The following NTN5 variants were observed in gnomAD, a reference collection of about 807,000 sequenced individuals.
NTN5 encodes the protein netrin 5.
NTN5 carries 42 observed loss-of-function variants against 38.7 expected under a neutral mutation model. The ratio of observed to expected loss-of-function variants is 1.08; its 90% CI spans 0.85 to 1.40. NTN5 has a LOEUF of 1.40. Ranked by LOEUF, NTN5 falls within the 40% of genes most tolerant of loss-of-function variation. The pLI is 0.00. For synonymous variants in NTN5, 329 were observed against 303.9 expected (o/e 1.08, Z -0.86); for missense variants, 658 against 716.5 (o/e 0.92, Z 0.93).
chr19:48,669,831 TCAC>T (rs2122137344), intron 2 of NTN5, among the ~76,000 whole-genome samples: 1 of 46,568 alleles, frequency 2.1e-5, no homozygotes, highest in Non-Finnish European at 4.7e-5. Context: ...ACCACCACCA[TCAC>T]CATCACCACC....
Position 48,672,980 on chromosome 19 carries a change from C to T in NTN5, c.-69G>A, listed in dbSNP as rs1361053001. ...TGCAGCCAGTTCCCCGCAGGCTCTT[C>T]CTCCAAGCTGTGGCGCGGTGGGCTC... On this transcript the variant is annotated 5_prime_UTR_variant, in exon 1 of 7. Transcript: ENST00000270235. The T allele has an allele frequency of 3.2e-6, 1 of 310,480 alleles. No individual in the cohort carries two copies. The highest frequency in any genetic ancestry group is 2.2e-5 in the African/African-American group (1 of 45,090). The allele number at this position is 310,480 out of a possible 1,614,324, so 19.2% of individuals were successfully genotyped here.
rs2031535956 is a variant in NTN5, at chr19:48,661,497, C to T, written c.*180G>A. 7 of 648,012 alleles carry T rather than the reference C, an allele frequency of 1.1e-5. No homozygotes were observed. The South Asian group carries it at 1.9e-4, about 17-fold the overall frequency. 40.1% of individuals were successfully genotyped at this position (648,012 alleles called of 1,614,324 possible). ...AGGAGGAAATGTTGGGACCAGAAGT[C>T]CCGCTTGCCGCCTTTTGCTAAAAGT... On this transcript the variant is annotated 3_prime_UTR_variant, in exon 7 of 7. Coordinates refer to ENST00000270235, the MANE Select transcript of NTN5 (RefSeq NM_145807.4).
In NTN5 at chr19:48,663,520, T is replaced by C; in HGVS notation, c.1048A>G (p.Asn350Asp). The change falls in exon 6 of 7, where the codon AAT becomes GAT. Residue 350 changes from asparagine to aspartate, a missense_variant. Transcript: ENST00000270235. The part of the protein sequence containing the change: ...SSDPQCQNYC[N>D]MSDTRVHMSL... Reference sequence around the variant, plus strand: ...ATGTGTACCCTGGTGTCCGACATATTGCAGTAGTTTTGACACTGAGGGTCT... The same window carrying C: ...ATGTGTACCCTGGTGTCCGACATATCGCAGTAGTTTTGACACTGAGGGTCT... 6.2e-7 allele frequency: 1 copy of C among 1,614,184 alleles called. No individual in the cohort carries two copies. The highest frequency in any genetic ancestry group is 8.5e-7 in the Non-Finnish European group (1 of 1,180,014).
chr19:48,671,586 G>A (rs1037223399), intron 1 of NTN5, among the ~76,000 whole-genome samples: 3 of 152,000 alleles, frequency 2.0e-5, no homozygotes, highest in African/African-American at 7.3e-5. Context: ...CTGCCTGGGG[G>A]CTGGGATAGG....
chr19:48,663,339 G>T lies in NTN5; in HGVS notation c.1105+124C>A. 4 of 897,452 alleles carry T rather than the reference G, an allele frequency of 4.5e-6. 1 individual carries two copies. The South Asian group carries it at 5.3e-5, about 12-fold the overall frequency. The allele number at this position is 897,452 out of a possible 1,614,324, so 55.6% of individuals were successfully genotyped here. Reference sequence around the variant, plus strand: ...CCATCAATTTCTAGATCAGGAAGGGGTTTGGAATCCAACACTCCTTCCCAT... The same window carrying T: ...CCATCAATTTCTAGATCAGGAAGGGTTTTGGAATCCAACACTCCTTCCCAT... On this transcript the variant is annotated intron_variant, in intron 6 of 6. Transcript: ENST00000270235.
At chr19:48,663,301 T>G in intron 6 of NTN5, 162 bp downstream of exon 6, 443 of 681,758 alleles carry the variant, frequency 6.5e-4, no homozygotes, top group Middle Eastern at 1.7e-3. Flanking sequence ...CCCCTCCCCA[T>G]TTGTCTTCTG....
rs764499894 is a variant in NTN5 at position 48,661,728 on chromosome 19, T to G, written c.1419A>C (p.Gly473=). ...LKRLQQEERA[G]GCRGVRAPTP... ...TGGGTGCCCGCACGCCGCGGCAGCC[T>G]CCGGCGCGCTCCTCCTGCTGCAGCC... The change falls in exon 7 of 7, where the codon GGA becomes GGC. Residue 473 remains glycine (G), a synonymous_variant. Transcript: ENST00000270235. 27 of 1,545,478 alleles carry G rather than the reference T, an allele frequency of 1.7e-5. No homozygotes were observed. The highest frequency in any genetic ancestry group is 1.8e-4 in the Middle Eastern group (1 of 5,596).
At chr19:48,669,423 C>T (rs796231038) in intron 2 of NTN5, among the ~76,000 whole-genome samples, 3 of 12,158 alleles carry the variant, frequency 2.5e-4, no homozygotes, top group East Asian at 1.8e-3. Context: ...ACCACCATCA[C>T]CACCATCACC....
At chr19:48,668,910 G>C (rs2031773521) in intron 2 of NTN5, among the ~76,000 whole-genome samples, 1 of 151,030 alleles carries the variant, frequency 6.6e-6, no homozygotes. Flanking sequence ...CCTGGGATGG[G>C]TGCTCGGAAA....
In NTN5 at chr19:48,667,360, C is replaced by G. The variant is rs1250273855; in HGVS notation, c.632-2593G>C. The G allele has an allele frequency of 7.4e-6, 3 of 406,294 alleles. No homozygotes were observed. In the Admixed American group the frequency reaches 8.1e-5, roughly 11 times the overall value. 25.2% of individuals were successfully genotyped at this position (406,294 alleles called of 1,614,324 possible). On this transcript the variant is annotated intron_variant, in intron 2 of 6. Coordinates refer to ENST00000270235, the MANE Select transcript of NTN5 (RefSeq NM_145807.4). ...GTCTCTTACCCGGGTTTGGAGGGCACTGCCCTGCTCAGTCTGGGGGGATGT... is the reference window on the plus strand; with the variant it reads ...GTCTCTTACCCGGGTTTGGAGGGCAGTGCCCTGCTCAGTCTGGGGGGATGT...
Position 48,661,883 on chromosome 19 carries a change from GCAGGCAGCCGCAGGT to G in NTN5, c.1249_1263del (p.Thr417_Leu421del). On this transcript the variant is annotated inframe_deletion, in exon 7 of 7. Transcript: ENST00000270235. ...AGGTAGTCGGTGCCTGGCTGCAGGCGCAGGCAGCCGCAGGTCAGGTCGGCGCGGGGCACCCAGGCG... is the reference window on the plus strand; with the variant it reads ...AGGTAGTCGGTGCCTGGCTGCAGGCGCAGGTCGGCGCGGGGCACCCAGGCG... The G allele has an allele frequency of 9.6e-6, 13 of 1,347,256 alleles. No homozygotes were observed. Among genetic ancestry groups the G allele is most frequent in the Non-Finnish European group, 1.2e-5 (13 of 1,051,628 alleles). 83.5% of individuals were successfully genotyped at this position (1,347,256 alleles called of 1,614,324 possible).
chr19:48,669,912 C>T (rs1312006994), intron 2 of NTN5, among the ~76,000 whole-genome samples: 2 of 98,710 alleles, frequency 2.0e-5, no homozygotes, highest in East Asian at 6.0e-4. Flanking sequence ...ATCACCACCA[C>T]CACCATCACC....
rs761654700 is a variant in NTN5, at chr19:48,670,455, G to A, written c.532C>T (p.Arg178Cys). The A allele has an allele frequency of 9.5e-6, 14 of 1,476,390 alleles. No homozygotes were observed. Among genetic ancestry groups the A allele is most frequent in the Non-Finnish European group, 1.3e-5 (14 of 1,113,918 alleles). The allele number at this position is 1,476,390 out of a possible 1,614,324, so 91.5% of individuals were successfully genotyped here. A position where few individuals can be genotyped will look rare whatever the true frequency, so the allele number is the denominator to read the frequency against. ...CACCCCGGGCCAGTGGTATGGTGGC[G>A]GCAGTGGCAGCGGGGGGGCCGGGCA... ...ARARPPRCHC[R>C]HHTTGPGCES... Residue 178 changes from arginine (R) to cysteine (C), a missense_variant, in exon 2 of 7, where the codon CGC becomes TGC. Transcript: ENST00000270235.
chr19:48,665,427 C>CCTTG (rs2031675935), intron 2 of NTN5, among the ~76,000 whole-genome samples: 1 of 146,424 alleles, frequency 6.8e-6, no homozygotes, highest in Non-Finnish European at 1.5e-5. Context: ...AGGAGCAAGA[C>CCTTG]TCCATCTCAA....
intron 2 of NTN5, among the ~76,000 whole-genome samples, chr19:48,669,237 C>T (rs1346984897): frequency 4.4e-5 from 1 of 22,942 alleles, no homozygotes. Context: ...ACCATCATCA[C>T]CACCACCACC....
rs963898031 is a variant in NTN5 at position 48,663,058 on chromosome 19, G to A, written c.1105+405C>T. On this transcript the variant is annotated intron_variant, in intron 6 of 6. Coordinates refer to ENST00000270235, the MANE Select transcript of NTN5 (RefSeq NM_145807.4). ...TGGACTGGGGATTAGGGAACCGTGG[G>A]ACAAGTCTTTATGGGAAGTGGGGCT... 3 of 380,274 alleles carry A rather than the reference G, an allele frequency of 7.9e-6. No individual in the cohort carries two copies. In the Admixed American group the frequency reaches 9.2e-5, roughly 12 times the overall value. 23.6% of individuals were successfully genotyped at this position (380,274 alleles called of 1,614,324 possible).
intron 2 of NTN5, among the ~76,000 whole-genome samples, chr19:48,667,749 G>C (rs975917942): frequency 6.6e-6 from 1 of 152,118 alleles, no homozygotes; most frequent in Non-Finnish European, 1.5e-5. Flanking sequence ...CCAGCTACTC[G>C]GGAGGCTGAG....
intron 2 of NTN5, among the ~76,000 whole-genome samples, chr19:48,669,676 TCAC>T (rs1568452402): frequency 2.5e-3 from 197 of 78,006 alleles, no homozygotes; most frequent in Non-Finnish European, 3.7e-3. Flanking sequence ...ATCACCATCA[TCAC>T]CACCATCACC....
chr19:48,665,120 C>T (rs1476122416), intron 2 of NTN5, among the ~76,000 whole-genome samples: 1 of 147,488 alleles, frequency 6.8e-6, no homozygotes, highest in African/African-American at 2.5e-5. Flanking sequence ...GACGGGGTTT[C>T]ACCGTGTTAG....
Sources: gnomAD v4.1 joint callset for allele counts (sites outside exome capture counted in the v4.1 genomes callset) on GRCh38, gnomAD v4.1.1 for gene constraint, MANE v1.5 for transcripts, NCBI Gene and HGNC (gene_info 2026-07-23, HGNC 2026-07-21) for gene names.